FAM13C: variants seen among roughly 807,000 people sequenced by gnomAD.
FAM13C encodes family with sequence similarity 13 member C.
Under a neutral mutation model 73.2 loss-of-function variants are expected in FAM13C, and 37 were observed. The observed-to-expected ratio is 0.51, with a 90% CI of 0.39 to 0.67. The LOEUF (loss-of-function observed/expected upper bound fraction) is 0.67, where lower values mean the gene tolerates loss of function less well. Ranked by LOEUF, FAM13C falls within the 30% of genes least tolerant of loss-of-function variation. FAM13C has a pLI of 0.00. For missense variants in FAM13C, 589 were observed against 715.6 expected (o/e 0.82, Z 2.02); for synonymous variants, 246 against 260.9 (o/e 0.94, Z 0.55).
intron 2 of FAM13C, among the ~76,000 whole-genome samples, chr10:59,355,427 T>G (rs546105489): frequency 6.6e-6 from 1 of 152,284 alleles, no homozygotes; most frequent in Non-Finnish European, 1.5e-5. Context: ...AACATCAACT[T>G]CCTTTCAGTT....
chr10:59,325,452 C>A (rs1471816743), intron 3 of FAM13C, among the ~76,000 whole-genome samples: 1 of 152,136 alleles, frequency 6.6e-6, no homozygotes, highest in Non-Finnish European at 1.5e-5. Flanking sequence ...TTCTTTGAAG[C>A]CTCCAGCTTC....
At chr10:59,362,287 G>A in intron 1 of FAM13C, 112 bp downstream of exon 1, 1 of 1,425,770 alleles carries the variant, frequency 7.0e-7, no homozygotes, top group Non-Finnish European at 9.6e-7. Context: ...CAGATTCCGG[G>A]AGACAATGCA....
At chr10:59,279,127 A>T (rs1209652923) in intron 6 of FAM13C, among the ~76,000 whole-genome samples, 1 of 152,192 alleles carries the variant, frequency 6.6e-6, no homozygotes, top group Non-Finnish European at 1.5e-5. Flanking sequence ...GTATTACTGA[A>T]CCTTCTTGCA....
upstream of FAM13C, chr10:59,362,753 C>A: frequency 4.1e-6 from 2 of 488,068 alleles, no homozygotes; most frequent in Non-Finnish European, 7.0e-6. Context: ...CCACACGACC[C>A]CGACCTCGCC....
At chr10:59,330,004 T>C (rs991795222) in intron 3 of FAM13C, among the ~76,000 whole-genome samples, 1 of 152,200 alleles carries the variant, frequency 6.6e-6, no homozygotes, top group African/African-American at 2.4e-5. Context: ...TTTGTGTATT[T>C]TAAGACTATT....
At position 59,291,828 on chromosome 10, in the gene FAM13C, G is replaced by C. The variant is rs539655753; in HGVS notation, c.508-8381C>G. ...TTTTGAGATGGAGTCTTGCTCTGTCGCCCAGGCTGGAGTGCAGTGGTGTGA... is the reference window on the plus strand; with the variant it reads ...TTTTGAGATGGAGTCTTGCTCTGTCCCCCAGGCTGGAGTGCAGTGGTGTGA... On this transcript the variant is annotated intron_variant, in intron 5 of 13. Coordinates refer to ENST00000618804, the MANE Select transcript of FAM13C (RefSeq NM_198215.4). Among the ~76,000 whole-genome samples, 10 of 118,260 alleles carry C rather than the reference G, an allele frequency of 8.5e-5. No individual in the cohort carries two copies. In the East Asian group the frequency reaches 2.6e-3, roughly 31 times the overall value. The allele number at this position is 118,260 out of a possible 152,430, so 77.6% of individuals were successfully genotyped here.
At chr10:59,353,101 C>G (rs1277006846) in intron 2 of FAM13C, among the ~76,000 whole-genome samples, 1 of 152,200 alleles carries the variant, frequency 6.6e-6, no homozygotes, top group East Asian at 1.9e-4. Flanking sequence ...AATGCAAAGT[C>G]AAACATCCAA....
intron 7 of FAM13C, 76 bp downstream of exon 7, chr10:59,269,823 C>T (rs2133555840): frequency 6.6e-7 from 1 of 1,507,298 alleles, no homozygotes; most frequent in Non-Finnish European, 9.1e-7. Context: ...ACTTCAGTCA[C>T]ACTTCATTGT....
At chr10:59,269,759 T>G (rs973526094) in intron 7 of FAM13C, 140 bp downstream of exon 7, 5 of 988,628 alleles carry the variant, frequency 5.1e-6, no homozygotes, top group Non-Finnish European at 7.4e-6. Context: ...TACACTAATT[T>G]TTGTCATTTA....
At chr10:59,265,335 G>GGAA (rs78422182) in intron 8 of FAM13C, among the ~76,000 whole-genome samples, 2 of 16,056 alleles carry the variant, frequency 1.2e-4, no homozygotes, top group African/African-American at 2.9e-4. Context: ...GGGGGGGGGG[G>GGAA]AATCCTGGTT....
At position 59,261,649 on chromosome 10, in the gene FAM13C, A is replaced by G. The variant is rs148941420; in HGVS notation, c.1236+785T>C. 1.6e-4 allele frequency among the ~76,000 whole-genome samples: 25 copies of G among 152,240 alleles called. No individual in the cohort carries two copies. The East Asian group carries it at 4.8e-3, about 29-fold the overall frequency. ...TAGTACAAGAAACAGAAAGTGGCCT[A>G]CAAGATAGTTAGAGCTGTGATAGGG... On this transcript the variant is annotated intron_variant, in intron 10 of 13. Transcript: ENST00000618804.
In FAM13C at chr10:59,300,051, C is replaced by T. The variant is rs113872450; in HGVS notation, c.507+2750G>A. The stretch of plus-strand genomic sequence containing the variant: ...GGAAACAAGAAGTTAGTGAGCTCTT[C>T]GGCCCACTAGGAAAGTATGAGAAAC... On this transcript the variant is annotated intron_variant, in intron 5 of 13. Coordinates refer to ENST00000618804, the MANE Select transcript of FAM13C (RefSeq NM_198215.4). Among the ~76,000 whole-genome samples the T allele has an allele frequency of 1.4e-4, 22 of 152,236 alleles. 2 individuals carry two copies. The highest frequency in any genetic ancestry group is 3.6e-4 in the African/African-American group (15 of 41,512).
intron 3 of FAM13C, among the ~76,000 whole-genome samples, chr10:59,341,459 G>A (rs1237866828): frequency 2.6e-5 from 4 of 152,106 alleles, no homozygotes; most frequent in African/African-American, 9.7e-5. Flanking sequence ...AGGCCGAGGC[G>A]GGCGGGTCAC....
chr10:59,292,065 C>G (rs936886786), intron 5 of FAM13C, among the ~76,000 whole-genome samples: 9 of 152,086 alleles, frequency 5.9e-5, no homozygotes, highest in Non-Finnish European at 1.0e-4. Context: ...TGGGATTACA[C>G]GTGTGAGCCA....
At chr10:59,346,727 T>A (rs988362129) in intron 3 of FAM13C, among the ~76,000 whole-genome samples, 1 of 152,230 alleles carries the variant, frequency 6.6e-6, no homozygotes, top group African/African-American at 2.4e-5. Context: ...TAGTTAAGTC[T>A]CATCCTCCCC....
At chr10:59,268,429 T>C in intron 8 of FAM13C, 124 bp downstream of exon 8, 1 of 1,224,302 alleles carries the variant, frequency 8.2e-7, no homozygotes, top group Non-Finnish European at 1.1e-6. Flanking sequence ...TAGGTCCAGG[T>C]TGGCCCATGG....
intron 4 of FAM13C, among the ~76,000 whole-genome samples, chr10:59,323,740 T>C (rs1009569596): frequency 6.6e-6 from 1 of 152,152 alleles, no homozygotes; most frequent in Non-Finnish European, 1.5e-5. Context: ...GCAGGACCTG[T>C]CTCCACTTCC....
intron 3 of FAM13C, among the ~76,000 whole-genome samples, chr10:59,329,322 TC>T (rs1335130116): frequency 6.6e-6 from 1 of 150,486 alleles, no homozygotes. Context: ...CATTTTTTTT[TC>T]TTTTTTTCTT....
At chr10:59,303,139 GTGCT>G (rs1847794920) in intron 4 of FAM13C, among the ~76,000 whole-genome samples, 1 of 152,118 alleles carries the variant, frequency 6.6e-6, no homozygotes, top group Non-Finnish European at 1.5e-5. Flanking sequence ...TGAACAGGTA[GTGCT>G]TGCTCCCTGT....
Sources: allele counts gnomAD v4.1 joint callset (sites outside exome capture counted in the v4.1 genomes callset), GRCh38; gene constraint gnomAD v4.1.1; transcripts MANE v1.5; gene names NCBI Gene and HGNC (gene_info 2026-07-23, HGNC 2026-07-21).